The following NUDT5 variants were observed in gnomAD, a reference collection of about 807,000 sequenced individuals.
NUDT5 encodes ADP-sugar pyrophosphatase.
A neutral mutation model predicts 34.1 loss-of-function variants in NUDT5; 21 were observed. That is an observed-to-expected ratio of 0.62 (90% CI 0.44 to 0.89). The LOEUF is 0.89. Ranked by LOEUF, NUDT5 falls within the 40% of genes least tolerant of loss-of-function variation. The pLI, the probability that NUDT5 is intolerant of heterozygous loss-of-function variation, is 0.00. For missense variants in NUDT5, 249 were observed against 274.8 expected, an observed-to-expected ratio of 0.91 and a Z score of 0.66; for synonymous variants, 85 against 97.6, an observed-to-expected ratio of 0.87 and a Z score of 0.76.
chr10:12,176,212 TAAA>T (rs564517126), intron 5 of NUDT5, among the ~76,000 whole-genome samples: 1 of 146,472 alleles, frequency 6.8e-6, no homozygotes, highest in Non-Finnish European at 1.5e-5. Context: ...AATAAAAAAA[TAAA>T]AAAAAAGGTA....
Position 12,167,577 on chromosome 10 carries a change from G to C in NUDT5, c.*125C>G, listed in dbSNP as rs981489501. ...ACAATTCCATACCACCACCACATCTGTTCTGTGCTTTTATTTTACGAAAAA... is the reference window on the plus strand; with the variant it reads ...ACAATTCCATACCACCACCACATCTCTTCTGTGCTTTTATTTTACGAAAAA... On this transcript the variant is annotated 3_prime_UTR_variant, in exon 10 of 10. Coordinates refer to ENST00000491614, the MANE Select transcript of NUDT5 (RefSeq NM_014142.4). The C allele has an allele frequency of 6.7e-6, 6 of 892,336 alleles. No homozygotes were observed. Among genetic ancestry groups the C allele is most frequent in the African/African-American group, 6.7e-5 (4 of 59,704 alleles). 55.3% of individuals were successfully genotyped at this position (892,336 alleles called of 1,614,324 possible). A position where few individuals can be genotyped will look rare whatever the true frequency, so the allele number is the denominator to read the frequency against.
At chr10:12,189,563 C>G (rs60857448) in intron 1 of NUDT5, among the ~76,000 whole-genome samples, 6 of 152,048 alleles carry the variant, frequency 3.9e-5, no homozygotes, top group Admixed American at 6.6e-5. Context: ...GTAAAAGTAC[C>G]TCAGAAATTT....
At position 12,170,104 on chromosome 10, in the gene NUDT5, C is replaced by A. The variant is rs751171348; in HGVS notation, c.550+613G>T. On this transcript the variant is annotated intron_variant, in intron 9 of 9. Transcript: ENST00000491614. The surrounding 1 kb of genome is among the most constrained non-coding windows in gnomAD (Gnocchi z 4.9). ...CATGTCTCCATACAGTATCTCCTCTCGTGGTTTTATCAAAGGACTTTTCTC... is the reference window on the plus strand; with the variant it reads ...CATGTCTCCATACAGTATCTCCTCTAGTGGTTTTATCAAAGGACTTTTCTC... 19 of 1,611,234 alleles carry A rather than the reference C, an allele frequency of 1.2e-5. No homozygotes were observed. The highest frequency in any genetic ancestry group is 1.6e-5 in the Non-Finnish European group (19 of 1,178,506).
intron 1 of NUDT5, among the ~76,000 whole-genome samples, chr10:12,188,708 C>A (rs182098941): frequency 8.3e-6 from 1 of 120,116 alleles, no homozygotes; most frequent in East Asian, 2.5e-4. Flanking sequence ...TGCAGCCTGG[C>A]GACAGAGCAA....
Position 12,177,988 on chromosome 10 carries a change from A to G in NUDT5, c.182-88T>C. 9.3e-6 allele frequency: 8 copies of G among 862,260 alleles called. No individual in the cohort carries two copies. In the South Asian group the frequency reaches 1.2e-4, roughly 13 times the overall value. 53.4% of individuals were successfully genotyped at this position (862,260 alleles called of 1,614,324 possible). ...TTTAGAGCAAGCTAATGAAAACCCC[A>G]GACTTTAAGAAACTCCGTTTTAATC... On this transcript the variant is annotated intron_variant, in intron 4 of 9. Transcript: ENST00000491614.
rs1412358525 is a variant in NUDT5, at chr10:12,182,750, T to G, written c.131+2139A>C. Reference sequence around the variant, plus strand: ...ACACATCTTTTTATTTTATTTTTATTTTTTGAGATGGAGTCTCGCTCTGTC... The same window carrying G: ...ACACATCTTTTTATTTTATTTTTATGTTTTGAGATGGAGTCTCGCTCTGTC... On this transcript the variant is annotated intron_variant, in intron 3 of 9. Transcript: ENST00000491614. The surrounding 1 kb of genome is among the most constrained non-coding windows in gnomAD (Gnocchi z 4.3). Among the ~76,000 whole-genome samples the G allele has an allele frequency of 6.6e-6, 1 of 152,158 alleles. No individual in the cohort carries two copies. Among genetic ancestry groups the G allele is most frequent in the Non-Finnish European group, 1.5e-5 (1 of 68,030 alleles).
At chr10:12,192,061 C>T (rs1286899294) in intron 1 of NUDT5, among the ~76,000 whole-genome samples, 1 of 152,088 alleles carries the variant, frequency 6.6e-6, no homozygotes, top group Non-Finnish European at 1.5e-5. Flanking sequence ...TTAATATCAA[C>T]AATACTCAAC....
intron 5 of NUDT5, among the ~76,000 whole-genome samples, chr10:12,177,455 G>C (rs192767245): frequency 2.4e-3 from 360 of 152,184 alleles, no homozygotes; most frequent in South Asian, 8.5e-3. Flanking sequence ...GGAGGCGGAG[G>C]TTGCAGTGAG....
chr10:12,189,733 C>T (rs115096893), intron 1 of NUDT5, among the ~76,000 whole-genome samples: 1 of 152,130 alleles, frequency 6.6e-6, no homozygotes, highest in Non-Finnish European at 1.5e-5. Flanking sequence ...GCCACTGCAA[C>T]GGAGTTTGCC....
chr10:12,179,287 G>T (rs965248552), intron 3 of NUDT5, among the ~76,000 whole-genome samples, 155 bp from the exon 4 acceptor site: 1 of 152,226 alleles, frequency 6.6e-6, no homozygotes, highest in African/African-American at 2.4e-5. Context: ...CTGCATTAAA[G>T]AAGCTAATTC....
chr10:12,190,616 T>C (rs947474230), intron 1 of NUDT5, among the ~76,000 whole-genome samples: 1 of 150,442 alleles, frequency 6.6e-6, no homozygotes, highest in Non-Finnish European at 1.5e-5. Context: ...CTTTTTTTTT[T>C]TTTTTTTTTT....
intron 2 of NUDT5, 98 bp downstream of exon 2, chr10:12,186,131 C>T (rs527601643): frequency 2.0e-6 from 2 of 1,006,676 alleles, no homozygotes; most frequent in African/African-American, 3.2e-5. Context: ...CAACTGTCTT[C>T]AAGAATGAAA....
At position 12,173,842 on chromosome 10, in the gene NUDT5, G is replaced by A. The variant is rs111462768; in HGVS notation, c.290-29C>T. ...CAAGTCCAAATCATTGGTGTGATGG[G>A]AGCGGGAAATCCGGTTCTTTAAACC... is the stretch of plus-strand genomic sequence containing the variant. On this transcript the variant is annotated intron_variant, in intron 5 of 9. Transcript: ENST00000491614. This position sits in a 1 kb window ranked among gnomAD's most constrained non-coding sequence, Gnocchi z 4.7. 3 of 1,527,672 alleles carry A rather than the reference G, an allele frequency of 2.0e-6. No homozygotes were observed. The highest frequency in any genetic ancestry group is 2.7e-6 in the Non-Finnish European group (3 of 1,105,624). The allele number at this position is 1,527,672 out of a possible 1,614,324, so 94.6% of individuals were successfully genotyped here.
intron 1 of NUDT5, among the ~76,000 whole-genome samples, chr10:12,193,259 G>A (rs1474334109): frequency 6.6e-6 from 1 of 152,084 alleles, no homozygotes; most frequent in Non-Finnish European, 1.5e-5. Flanking sequence ...GACATCGGAA[G>A]AAAAAAGGGG....
At chr10:12,178,896 T>C (rs1378928185) in intron 4 of NUDT5, 187 bp downstream of exon 4, 7 of 612,098 alleles carry the variant, frequency 1.1e-5, no homozygotes, top group Non-Finnish European at 2.1e-5. Context: ...GTTTTGGGCT[T>C]AGATAACAGA....
chr10:12,170,552 GA>G lies in NUDT5; in HGVS notation c.550+164del. ...TTATTTTCAAACTCTGTGCCACCCA[GA>G]AAGGAAAATTAGTAGTGGTCACCTG... On this transcript the variant is annotated intron_variant, in intron 9 of 9. Transcript: ENST00000491614. This position sits in a 1 kb window ranked among gnomAD's most constrained non-coding sequence, Gnocchi z 4.9. The G allele has an allele frequency of 2.8e-6, 2 of 725,928 alleles. No individual in the cohort carries two copies. Among genetic ancestry groups the G allele is most frequent in the South Asian group, 3.6e-5 (2 of 55,868 alleles). The allele number at this position is 725,928 out of a possible 1,614,324, so 45.0% of individuals were successfully genotyped here.
rs76756010 is a variant in NUDT5 at position 12,191,690 on chromosome 10, G to A, written c.-42+4080C>T. The stretch of plus-strand genomic sequence containing the variant: ...TCGCTTGAGCTGAGGAATTCATGAT[G>A]ACCCTAGGAAACATAGTGAGATCCT... On this transcript the variant is annotated intron_variant, in intron 1 of 9. Transcript: ENST00000491614. Among the ~76,000 whole-genome samples, 1,124 of 152,206 alleles carry A rather than the reference G, an allele frequency of 7.4e-3. 11 individuals are homozygous for A. Among genetic ancestry groups the A allele is most frequent in the African/African-American group, 0.026 (1,085 of 41,522 alleles).
Position 12,168,487 on chromosome 10 carries a change from G to A in NUDT5, c.551-676C>T, listed in dbSNP as rs928570257. Among the ~76,000 whole-genome samples the A allele has an allele frequency of 4.6e-5, 7 of 152,180 alleles. No homozygotes were observed. Among genetic ancestry groups the A allele is most frequent in the Admixed American group, 2.0e-4 (3 of 15,278 alleles). Reference sequence around the variant, plus strand: ...TTTTCTGCTGCTAGGGGATACATATGTTCCCCCGGCAAGTTAAACTGTGTG... The same window carrying A: ...TTTTCTGCTGCTAGGGGATACATATATTCCCCCGGCAAGTTAAACTGTGTG... On this transcript the variant is annotated intron_variant, in intron 9 of 9. Coordinates refer to ENST00000491614, the MANE Select transcript of NUDT5 (RefSeq NM_014142.4). This position sits in a 1 kb window ranked among gnomAD's most constrained non-coding sequence, Gnocchi z 4.8.
rs182162840 is a variant in NUDT5 at position 12,182,484 on chromosome 10, A to G, written c.131+2405T>C. Among the ~76,000 whole-genome samples, 279 of 152,272 alleles carry G rather than the reference A, an allele frequency of 1.8e-3. 2 individuals are homozygous for G. The highest frequency in any genetic ancestry group is 6.2e-3 in the African/African-American group (257 of 41,576). On this transcript the variant is annotated intron_variant, in intron 3 of 9. Transcript: ENST00000491614. The surrounding 1 kb of genome is among the most constrained non-coding windows in gnomAD (Gnocchi z 4.3). ...CTGGTATAAAATATTAGTGCTTTACATAAATCCTCTTCAGAGGCCAGGAAA... is the reference window on the plus strand; with the variant it reads ...CTGGTATAAAATATTAGTGCTTTACGTAAATCCTCTTCAGAGGCCAGGAAA...
Sources: allele counts gnomAD v4.1 joint callset (sites outside exome capture counted in the v4.1 genomes callset), GRCh38; gene constraint gnomAD v4.1.1; non-coding constraint Gnocchi (gnomAD v3.1); transcripts MANE v1.5; gene names NCBI Gene and HGNC (gene_info 2026-07-23, HGNC 2026-07-21).